The following FOXP1 variants were observed in gnomAD, a reference collection of about 807,000 sequenced individuals.
The protein encoded by FOXP1 is forkhead box protein P1.
A neutral mutation model predicts 98.2 loss-of-function variants in FOXP1; 15 were observed. That is an observed-to-expected ratio of 0.15 (90% CI 0.10 to 0.24). FOXP1 has a LOEUF of 0.24. Ranked by LOEUF, FOXP1 falls within the 10% of genes least tolerant of loss-of-function variation. The pLI is 1.00. For missense variants in FOXP1, 633 were observed against 848.5 expected (o/e 0.75, Z 3.15); for synonymous variants, 371 against 314.5 (o/e 1.18, Z -1.90).
intron 12 of FOXP1, among the ~76,000 whole-genome samples, chr3:71,005,314 TAAA>T (rs60664354): frequency 1.6e-4 from 4 of 25,260 alleles, no homozygotes; most frequent in African/African-American, 4.8e-4. Context: ...ATACCTGATT[TAAA>T]AAAAAAAAAA....
At chr3:71,576,463 G>A (rs560330015) in intron 2 of FOXP1, among the ~76,000 whole-genome samples, 3 of 152,314 alleles carry the variant, frequency 2.0e-5, no homozygotes, top group Non-Finnish European at 4.4e-5. Context: ...TTCCATTTGA[G>A]TAGACCTGTC....
chr3:71,209,873 A>C (rs1160303166), intron 5 of FOXP1, among the ~76,000 whole-genome samples: 1 of 152,222 alleles, frequency 6.6e-6, no homozygotes, highest in Non-Finnish European at 1.5e-5. Flanking sequence ...ACCTCCTTCC[A>C]TTACTTAAAA....
chr3:71,343,556 T>TTC (rs1163839717), intron 4 of FOXP1, among the ~76,000 whole-genome samples: 27 of 145,592 alleles, frequency 1.9e-4, no homozygotes, highest in African/African-American at 6.8e-4. Flanking sequence ...TCAATTAGAT[T>TTC]TTTTTTTTTT....
intron 6 of FOXP1, among the ~76,000 whole-genome samples, chr3:71,186,060 C>T (rs2062625146): frequency 6.6e-6 from 1 of 152,228 alleles, no homozygotes; most frequent in African/African-American, 2.4e-5. Flanking sequence ...TGTCTTACTG[C>T]ACCTTTACTA....
chr3:71,281,356 TG>T lies in FOXP1; in HGVS notation c.-12+18463del, dbSNP rs1410165280. 5.3e-5 allele frequency among the ~76,000 whole-genome samples: 8 copies of T among 152,280 alleles called. No homozygotes were observed. The South Asian group carries it at 1.0e-3, about 20-fold the overall frequency. ...TCTCTCTTTCTCCTTCAGATAATAATGGGGTCAAGGTCATTCCTGCCAACTG... is the reference window on the plus strand; with the variant it reads ...TCTCTCTTTCTCCTTCAGATAATAATGGGTCAAGGTCATTCCTGCCAACTG... On this transcript the variant is annotated intron_variant, in intron 5 of 20. Coordinates refer to ENST00000649528, the MANE Select transcript of FOXP1 (RefSeq NM_001349338.3).
In FOXP1 at chr3:71,496,789, G is replaced by T. The variant is rs186859158; in HGVS notation, c.-297-3234C>A. Among the ~76,000 whole-genome samples the T allele has an allele frequency of 1.7e-3, 262 of 152,114 alleles. 3 individuals carry two copies. The highest frequency in any genetic ancestry group is 6.8e-3 in the Middle Eastern group (2 of 294). The stretch of plus-strand genomic sequence containing the variant: ...GCCAATGCACTCCAGCCTGGCGACA[G>T]AGCAAGACTCTGTCTAAAAAAACAA... On this transcript the variant is annotated intron_variant, in intron 2 of 20. Coordinates refer to ENST00000649528, the MANE Select transcript of FOXP1 (RefSeq NM_001349338.3).
intron 6 of FOXP1, among the ~76,000 whole-genome samples, chr3:71,123,836 A>G (rs536094627): frequency 4.9e-4 from 75 of 152,306 alleles, no homozygotes; most frequent in Admixed American, 1.3e-3. Flanking sequence ...GTCCCTGGTC[A>G]TTGGGGATAA....
At position 71,198,487 on chromosome 3, in the gene FOXP1, G is replaced by C. The variant is rs745564539; in HGVS notation, c.-11-95C>G. On this transcript the variant is annotated intron_variant, in intron 5 of 20. Coordinates refer to ENST00000649528, the MANE Select transcript of FOXP1 (RefSeq NM_001349338.3). Reference sequence around the variant, plus strand: ...GTTGTGCATAAGGAGAAGGGCCTTGGTTTAAATGTTGCCAAAATCTGTAAA... The same window carrying C: ...GTTGTGCATAAGGAGAAGGGCCTTGCTTTAAATGTTGCCAAAATCTGTAAA... 27 of 1,122,258 alleles carry C rather than the reference G, an allele frequency of 2.4e-5. No homozygotes were observed. The South Asian group carries it at 3.4e-4, about 14-fold the overall frequency. 69.5% of individuals were successfully genotyped at this position (1,122,258 alleles called of 1,614,324 possible).
intron 3 of FOXP1, among the ~76,000 whole-genome samples, chr3:71,384,302 C>G (rs968891293): frequency 1.3e-5 from 2 of 152,164 alleles, no homozygotes; most frequent in African/African-American, 4.8e-5. Context: ...CAAACTTCCT[C>G]CAACTCCCTA....
intron 7 of FOXP1, among the ~76,000 whole-genome samples, chr3:71,083,666 T>C (rs2617119): frequency 0.96 from 146,266 of 152,286 alleles, 70,512 homozygotes; most frequent in East Asian, 1. Context: ...AGGGAAAAAC[T>C]TGACAAAGAA....
intron 3 of FOXP1, among the ~76,000 whole-genome samples, chr3:71,457,499 C>G (rs562214141): frequency 6.6e-6 from 1 of 152,308 alleles, no homozygotes; most frequent in East Asian, 1.9e-4. Context: ...ACCTCTCCAT[C>G]TCTACCCCCA....
At chr3:70,980,079 G>C (rs1369709553) in intron 14 of FOXP1, among the ~76,000 whole-genome samples, 1 of 152,110 alleles carries the variant, frequency 6.6e-6, no homozygotes, top group Non-Finnish European at 1.5e-5. Context: ...GCCATGAGCG[G>C]GTTTTTCTCT....
intron 2 of FOXP1, among the ~76,000 whole-genome samples, chr3:71,515,449 A>AAAC (rs369808700): frequency 0.29 from 40,708 of 140,468 alleles, 7,474 homozygotes; most frequent in Non-Finnish European, 0.41. Context: ...AAAAAAAAAA[A>AAAC]AAAACTGCAC....
intron 6 of FOXP1, among the ~76,000 whole-genome samples, chr3:71,178,757 G>A (rs551565923): frequency 1.5e-4 from 23 of 151,980 alleles, no homozygotes; most frequent in African/African-American, 4.8e-4. Flanking sequence ...GGTGGCAGGC[G>A]CCTGTAGTCC....
chr3:71,283,108 G>A (rs1379793670), intron 5 of FOXP1, among the ~76,000 whole-genome samples: 1 of 152,238 alleles, frequency 6.6e-6, no homozygotes, highest in African/African-American at 2.4e-5. Flanking sequence ...CTGGTGCTGA[G>A]TGCAGGGAAA....
chr3:71,196,496 G>A (rs1191129743), intron 6 of FOXP1, among the ~76,000 whole-genome samples: 3 of 152,144 alleles, frequency 2.0e-5, no homozygotes, highest in African/African-American at 7.2e-5. Context: ...TCCCATTTAT[G>A]TAATTAATGT....
chr3:71,298,766 C>A (rs531719163), intron 5 of FOXP1, among the ~76,000 whole-genome samples: 13 of 138,334 alleles, frequency 9.4e-5, no homozygotes, highest in South Asian at 8.7e-4. Flanking sequence ...ATTCTAGAAC[C>A]CCCCCAAGCC....
Position 71,378,202 on chromosome 3 carries a change from C to G in FOXP1, c.-167-18958G>C, listed in dbSNP as rs995911455. ...AAGAGACTCTTTTCTGGGTCGCTAGCTTCTCTTCCTTTTGCCAGGGGAGGG... is the reference window on the plus strand; with the variant it reads ...AAGAGACTCTTTTCTGGGTCGCTAGGTTCTCTTCCTTTTGCCAGGGGAGGG... On this transcript the variant is annotated intron_variant, in intron 3 of 20. Coordinates refer to ENST00000649528, the MANE Select transcript of FOXP1 (RefSeq NM_001349338.3). Among the ~76,000 whole-genome samples the G allele has an allele frequency of 2.6e-3, 41 of 15,478 alleles. No individual in the cohort carries two copies. In the Admixed American group the frequency reaches 0.055, roughly 21 times the overall value. 10.2% of individuals were successfully genotyped at this position (15,478 alleles called of 152,430 possible).
intron 12 of FOXP1, among the ~76,000 whole-genome samples, chr3:71,001,938 G>A (rs1158554481): frequency 1.3e-5 from 2 of 152,142 alleles, no homozygotes; most frequent in Non-Finnish European, 2.9e-5. Context: ...CAAATTCTAT[G>A]AACAAGACTG....
Sources: gnomAD v4.1 joint callset for allele counts (sites outside exome capture counted in the v4.1 genomes callset) on GRCh38, gnomAD v4.1.1 for gene constraint, MANE v1.5 for transcripts, NCBI Gene and HGNC (gene_info 2026-07-23, HGNC 2026-07-21) for gene names.